Variants in PTPDC1 observed in about 807,000 individuals in gnomAD.
PTPDC1 encodes the protein protein tyrosine phosphatase domain-containing protein 1.
PTPDC1 carries 53 observed loss-of-function variants against 75.3 expected under a neutral mutation model. That is an observed-to-expected ratio of 0.70 (90% CI 0.56 to 0.88). PTPDC1 has a LOEUF of 0.88. Ranked by LOEUF, PTPDC1 falls within the 40% of genes least tolerant of loss-of-function variation. The probability of loss-of-function intolerance (pLI) is 0.00; values close to 1 mark genes in which losing one functional copy is unlikely to be tolerated. For missense variants in PTPDC1, 925 were observed against 998.6 expected (o/e 0.93, Z 0.99); for synonymous variants, 349 against 366.2 (o/e 0.95, Z 0.54).
At chr9:94,093,198 G>A (rs1827395964) in intron 4 of PTPDC1, among the ~76,000 whole-genome samples, 1 of 151,910 alleles carries the variant, frequency 6.6e-6, no homozygotes, top group African/African-American at 2.4e-5. Context: ...TTTACATTTT[G>A]GCATGATTTT....
intron 2 of PTPDC1, among the ~76,000 whole-genome samples, chr9:94,086,540 A>G (rs1827080018): frequency 6.6e-6 from 1 of 152,120 alleles, no homozygotes; most frequent in Non-Finnish European, 1.5e-5. Flanking sequence ...TATTCCCCTG[A>G]GATTCATGTG....
chr9:94,105,170 C>A (rs1036240504), intron 8 of PTPDC1, among the ~76,000 whole-genome samples: 1 of 152,148 alleles, frequency 6.6e-6, no homozygotes, highest in Non-Finnish European at 1.5e-5. Context: ...CCACTCTTTC[C>A]GGAGTGATGT....
chr9:94,099,554 G>T (rs531258382), intron 6 of PTPDC1, among the ~76,000 whole-genome samples: 2 of 152,316 alleles, frequency 1.3e-5, no homozygotes, highest in African/African-American at 4.8e-5. Flanking sequence ...ATTATATGAT[G>T]GGAGGAGAGA....
intron 1 of PTPDC1, among the ~76,000 whole-genome samples, chr9:94,047,816 A>G (rs1347203369): frequency 6.6e-6 from 1 of 152,246 alleles, no homozygotes; most frequent in Non-Finnish European, 1.5e-5. Flanking sequence ...TAGAAAATCT[A>G]GAAGAAATGG....
At chr9:94,081,902 G>A (rs1353255240), upstream of PTPDC1, among the ~76,000 whole-genome samples, 1 of 152,208 alleles carries the variant, frequency 6.6e-6, no homozygotes, top group Non-Finnish European at 1.5e-5. Context: ...AATCTTTCAA[G>A]ACAAAGAGAA....
intron 2 of PTPDC1, among the ~76,000 whole-genome samples, chr9:94,076,629 T>C (rs1209526336): frequency 1.3e-5 from 2 of 152,208 alleles, no homozygotes; most frequent in Non-Finnish European, 2.9e-5. Flanking sequence ...ACTTTTTGGC[T>C]ATTATGAGTA....
intron 1 of PTPDC1, among the ~76,000 whole-genome samples, chr9:94,046,413 T>C (rs1825600888): frequency 6.6e-6 from 1 of 152,200 alleles, no homozygotes; most frequent in African/African-American, 2.4e-5. Flanking sequence ...GGGATGGCAT[T>C]GAATCTATAA....
At chr9:94,062,472 G>A (rs573648934) in intron 1 of PTPDC1, among the ~76,000 whole-genome samples, 20 of 152,112 alleles carry the variant, frequency 1.3e-4, no homozygotes, top group East Asian at 3.9e-4. Context: ...GTCCATTCTC[G>A]CATTGCTATA....
rs769424215 is a variant in PTPDC1 at position 94,104,273 on chromosome 9, A to T, written c.2200-2A>T. ...TTTAAATTTTGATTTCTACAAAAAC[A>T]GGGACAGCACCAGACTATTCTCTGC... On this transcript the variant is annotated splice_acceptor_variant, in intron 7 of 8. Transcript: ENST00000620992. LOFTEE classifies it high-confidence loss of function. The T allele has an allele frequency of 1.9e-6, 3 of 1,595,344 alleles. No individual in the cohort carries two copies. The South Asian group carries it at 3.3e-5, about 18-fold the overall frequency.
At chr9:94,072,141 G>C (rs1453320473) in intron 2 of PTPDC1, among the ~76,000 whole-genome samples, 1 of 152,122 alleles carries the variant, frequency 6.6e-6, no homozygotes, top group African/African-American at 2.4e-5. Context: ...CTGAGTAGCT[G>C]GGATTACAGG....
At chr9:94,076,620 C>CT (rs749993150) in intron 2 of PTPDC1, among the ~76,000 whole-genome samples, 190 of 152,216 alleles carry the variant, frequency 1.2e-3, no homozygotes, top group South Asian at 1.5e-3. Context: ...ACTCTTTTCA[C>CT]TTTTTGGCTA....
At chr9:94,098,792 C>A in intron 6 of PTPDC1, 1 of 570,548 alleles carries the variant, frequency 1.8e-6, no homozygotes, top group Non-Finnish European at 3.1e-6. Flanking sequence ...TCTGCATACT[C>A]AAGAAAGCAC....
rs78248714 is a variant in PTPDC1 at position 94,094,717 on chromosome 9, A to G, written c.617-600A>G. Among the ~76,000 whole-genome samples, 1,383 of 152,302 alleles carry G rather than the reference A, an allele frequency of 9.1e-3. 17 individuals are homozygous for G. Among genetic ancestry groups the G allele is most frequent in the African/African-American group, 0.031 (1,283 of 41,566 alleles). ...AGTTTGATCTCAGACTGCTGTGCTA[A>G]CAATCAGCGAGACTCCGTGGGCGTA... On this transcript the variant is annotated intron_variant, in intron 4 of 8. Coordinates refer to ENST00000620992, the MANE Select transcript of PTPDC1 (RefSeq NM_001253829.2).
chr9:94,092,970 C>A (rs11521676), intron 4 of PTPDC1, among the ~76,000 whole-genome samples: 3,580 of 138,902 alleles, frequency 0.026, 96 homozygotes, highest in East Asian at 0.045. Context: ...TTTTGAGCCT[C>A]TATGTGTCTC....
At chr9:94,055,227 G>T (rs899659002) in intron 1 of PTPDC1, among the ~76,000 whole-genome samples, 6 of 152,168 alleles carry the variant, frequency 3.9e-5, no homozygotes, top group African/African-American at 1.4e-4. Context: ...CTTAATAACT[G>T]TGTAACTTTA....
intron 1 of PTPDC1, among the ~76,000 whole-genome samples, chr9:94,042,187 G>A (rs1587838398): frequency 6.6e-6 from 1 of 152,130 alleles, no homozygotes. Context: ...AGCAGTATCA[G>A]AGCTATTAAC....
rs867330590 is a variant in PTPDC1, at chr9:94,084,534, C to T, written c.4C>T (p.Gln2Ter). 7 of 1,610,816 alleles carry T rather than the reference C, an allele frequency of 4.3e-6. No homozygotes were observed. The highest frequency in any genetic ancestry group is 5.9e-6 in the Non-Finnish European group (7 of 1,179,950). The change falls in exon 1 of 9, where the codon CAG (glutamine) becomes TAG (stop). Residue 2 changes from glutamine to a stop codon, truncating the protein, a stop_gained. Coordinates refer to ENST00000620992, the MANE Select transcript of PTPDC1 (RefSeq NM_001253829.2). LOFTEE classifies it high-confidence loss of function. The part of the protein sequence containing the change: M[Q>*]VQDATRRPSA... ...CCGGCTCTTGCCTCCCAGTGCCATG[C>T]AGGTGCAGGATGCAACCAGGCGGCC...
At chr9:94,093,986 T>C (rs1291204908) in intron 4 of PTPDC1, among the ~76,000 whole-genome samples, 3 of 152,122 alleles carry the variant, frequency 2.0e-5, no homozygotes, top group Non-Finnish European at 4.4e-5. Context: ...TACATTCTCC[T>C]AAATTTTTTT....
intron 1 of PTPDC1, among the ~76,000 whole-genome samples, chr9:94,045,361 T>G (rs1410562490): frequency 1.3e-5 from 2 of 152,152 alleles, no homozygotes; most frequent in Non-Finnish European, 2.9e-5. Flanking sequence ...ATATACCCAG[T>G]AATGGGATGG....
Sources: gnomAD v4.1 joint callset for allele counts (sites outside exome capture counted in the v4.1 genomes callset) on GRCh38, gnomAD v4.1.1 for gene constraint, MANE v1.5 for transcripts, NCBI Gene and HGNC (gene_info 2026-07-23, HGNC 2026-07-21) for gene names.